Variants in TFPI observed in about 807,000 individuals in gnomAD.
TFPI encodes tissue factor pathway inhibitor.
In TFPI, 15 loss-of-function variants were observed where a neutral mutation model predicts 34.6. The ratio of observed to expected loss-of-function variants is 0.43; its 90% CI spans 0.29 to 0.67. TFPI has a LOEUF of 0.67. Ranked by LOEUF, TFPI falls within the 30% of genes least tolerant of loss-of-function variation. The pLI is 0.15. For synonymous variants in TFPI, 105 were observed against 120.1 expected, an observed-to-expected ratio of 0.87 and a Z score of 0.82; for missense variants, 301 against 364.0, an observed-to-expected ratio of 0.83 and a Z score of 1.41.
At chr2:187,500,962 C>T (rs1685810000) in intron 2 of TFPI, among the ~76,000 whole-genome samples, 1 of 152,196 alleles carries the variant, frequency 6.6e-6, no homozygotes, top group Non-Finnish European at 1.5e-5. Context: ...ACAGCAACCC[C>T]TCGTTCATGG....
In TFPI at chr2:187,528,277, C is replaced by A. The variant is rs140566209; in HGVS notation, c.-2-24507G>T. Reference sequence around the variant, plus strand: ...CAGCTGGGAATAGGGCAAAGAAGTTCACCCAACAGTCAAACCCTGAATGAA... The same window carrying A: ...CAGCTGGGAATAGGGCAAAGAAGTTAACCCAACAGTCAAACCCTGAATGAA... On this transcript the variant is annotated intron_variant, in intron 1 of 7. Transcript: ENST00000233156. Among the ~76,000 whole-genome samples, 347 of 152,232 alleles carry A rather than the reference C, an allele frequency of 2.3e-3. 2 individuals carry two copies. The highest frequency in any genetic ancestry group is 8.1e-3 in the African/African-American group (336 of 41,536).
chr2:187,544,748 C>A (rs976414170), intron 1 of TFPI: 8 of 152,012 alleles, frequency 5.3e-5, no homozygotes, highest in African/African-American at 1.9e-4. Context: ...AATTTCTTAA[C>A]CTTACTTCAT....
intron 1 of TFPI, chr2:187,515,499 C>A (rs1346662331): frequency 6.6e-6 from 1 of 152,206 alleles, no homozygotes; most frequent in African/African-American, 2.4e-5. Flanking sequence ...TGCACGTGGA[C>A]GGGAGCAGCT....
chr2:187,517,506 CTGTT>C (rs1482226802), intron 1 of TFPI: 2 of 152,110 alleles, frequency 1.3e-5, no homozygotes, highest in African/African-American at 2.4e-5. Context: ...GTCAGACAAA[CTGTT>C]TGTTATGATT....
intron 6 of TFPI, among the ~76,000 whole-genome samples, chr2:187,475,632 G>C (rs928942293): frequency 3.9e-5 from 6 of 152,018 alleles, no homozygotes; most frequent in African/African-American, 1.4e-4. Flanking sequence ...GAACAAATGA[G>C]GAACCTGAAG....
intron 1 of TFPI, among the ~76,000 whole-genome samples, chr2:187,511,262 T>C (rs1686612553): frequency 6.6e-6 from 1 of 152,222 alleles, no homozygotes; most frequent in Non-Finnish European, 1.5e-5. Flanking sequence ...AGTGGAAGCG[T>C]GGCCTGATCA....
At chr2:187,508,061 A>T (rs927264102) in intron 1 of TFPI, among the ~76,000 whole-genome samples, 1 of 152,330 alleles carries the variant, frequency 6.6e-6, no homozygotes, top group South Asian at 2.1e-4. Flanking sequence ...GATTTATTAA[A>T]TAGGAAATCC....
intron 7 of TFPI, among the ~76,000 whole-genome samples, 192 bp downstream of exon 7, chr2:187,467,561 A>G (rs1376471738): frequency 1.3e-5 from 2 of 152,134 alleles, no homozygotes; most frequent in African/African-American, 2.4e-5. Flanking sequence ...TTCTTTTTCT[A>G]TGAGGACATT....
At chr2:187,481,411 C>A (rs551850451) in intron 6 of TFPI, among the ~76,000 whole-genome samples, 3 of 152,160 alleles carry the variant, frequency 2.0e-5, no homozygotes, top group Non-Finnish European at 4.4e-5. Context: ...GTCTGTAGAT[C>A]TCAGCAAACC....
intron 1 of TFPI, among the ~76,000 whole-genome samples, chr2:187,553,989 T>C (rs1158292466): frequency 1.3e-5 from 2 of 152,202 alleles, no homozygotes; most frequent in Admixed American, 1.3e-4. Context: ...ATAAATTTGC[T>C]TAAGAACTAA....
chr2:187,507,104 T>C (rs567633345), intron 1 of TFPI, among the ~76,000 whole-genome samples: 1 of 151,748 alleles, frequency 6.6e-6, no homozygotes, highest in South Asian at 2.1e-4. Flanking sequence ...TTCCCTTCCC[T>C]GTGTCCATGT....
At chr2:187,479,546 CATATATATATATAT>C (rs35837997) in intron 6 of TFPI, among the ~76,000 whole-genome samples, 1,454 of 63,330 alleles carry the variant, frequency 0.023, 36 homozygotes, top group African/African-American at 0.04. Flanking sequence ...ATATCACGTT[CATATATATATATAT>C]ATATATATAT....
At chr2:187,475,647 G>A (rs1034469684) in intron 6 of TFPI, among the ~76,000 whole-genome samples, 1 of 152,066 alleles carries the variant, frequency 6.6e-6, no homozygotes, top group African/African-American at 2.4e-5. Flanking sequence ...CTGAAGCCAA[G>A]CGAAATTTTG....
chr2:187,524,885 A>T (rs1352732441), intron 1 of TFPI, among the ~76,000 whole-genome samples: 18 of 152,090 alleles, frequency 1.2e-4, no homozygotes, highest in Admixed American at 1.2e-3. Flanking sequence ...GATTGCTGAA[A>T]TTCCAGCAAA....
chr2:187,537,211 T>G (rs2106283606), intron 1 of TFPI, among the ~76,000 whole-genome samples: 1 of 152,342 alleles, frequency 6.6e-6, no homozygotes, highest in South Asian at 2.1e-4. Flanking sequence ...CCATTTACTT[T>G]CTTCACATAT....
chr2:187,481,002 A>G (rs1692814097), intron 6 of TFPI, among the ~76,000 whole-genome samples: 1 of 152,108 alleles, frequency 6.6e-6, no homozygotes, highest in Non-Finnish European at 1.5e-5. Context: ...TCATATTATG[A>G]TAATGTTTAA....
At chr2:187,503,920 G>A (rs995317311) in intron 1 of TFPI, 150 bp from the exon 2 acceptor site, 3 of 745,594 alleles carry the variant, frequency 4.0e-6, no homozygotes, top group Admixed American at 6.1e-5. Context: ...TACTCAATGA[G>A]TCATACTTAA....
chr2:187,496,674 A>C (rs908056778), intron 3 of TFPI, among the ~76,000 whole-genome samples: 5 of 152,054 alleles, frequency 3.3e-5, no homozygotes, highest in Admixed American at 2.6e-4. Context: ...GGTACCTATA[A>C]ATGTGGGTAT....
intron 1 of TFPI, among the ~76,000 whole-genome samples, chr2:187,511,947 TAAG>T (rs1462073986): frequency 1.3e-5 from 2 of 151,286 alleles, no homozygotes; most frequent in African/African-American, 2.4e-5. Context: ...TACAAGTAGT[TAAG>T]AAAAAAAACA....
Sources: allele counts gnomAD v4.1 joint callset (sites outside exome capture counted in the v4.1 genomes callset), GRCh38; gene constraint gnomAD v4.1.1; transcripts MANE v1.5; gene names NCBI Gene and HGNC (gene_info 2026-07-23, HGNC 2026-07-21).